GPC6: variants seen among roughly 807,000 people sequenced by gnomAD.
GPC6 encodes the protein glypican-6.
In GPC6, 14 loss-of-function variants were observed where a neutral mutation model predicts 55.2. The observed-to-expected ratio is 0.25, with a 90% CI of 0.17 to 0.40. The LOEUF (loss-of-function observed/expected upper bound fraction) is 0.40, where lower values mean the gene tolerates loss of function less well. GPC6 is among the 10% of genes least tolerant of loss of function. The pLI is 1.00. For synonymous variants in GPC6, 278 were observed against 259.6 expected (o/e 1.07, Z -0.68); for missense variants, 641 against 708.5 (o/e 0.90, Z 1.08).
At chr13:94,003,765 G>A (rs1284126821) in intron 3 of GPC6, among the ~76,000 whole-genome samples, 1 of 152,106 alleles carries the variant, frequency 6.6e-6, no homozygotes, top group African/African-American at 2.4e-5. Context: ...AATGACCATG[G>A]ACATTTTGAT....
At chr13:94,105,081 G>T (rs1291947938) in intron 4 of GPC6, among the ~76,000 whole-genome samples, 2 of 152,134 alleles carry the variant, frequency 1.3e-5, no homozygotes, top group Non-Finnish European at 2.9e-5. Flanking sequence ...ATTTCTTAAG[G>T]GTAGAACTGA....
intron 3 of GPC6, among the ~76,000 whole-genome samples, chr13:93,861,124 G>A (rs1412402603): frequency 6.6e-6 from 1 of 150,980 alleles, no homozygotes; most frequent in Admixed American, 6.6e-5. Context: ...AACATTGTCT[G>A]GCCACAATAT....
chr13:93,419,345 T>G (rs924930250), intron 1 of GPC6, among the ~76,000 whole-genome samples: 6 of 151,858 alleles, frequency 4.0e-5, no homozygotes, highest in African/African-American at 1.4e-4. Context: ...ATGGCTCAGT[T>G]CTCTATGTAA....
chr13:94,395,896 A>AC (rs1284986201), intron 7 of GPC6, among the ~76,000 whole-genome samples: 2 of 152,172 alleles, frequency 1.3e-5, no homozygotes, highest in Non-Finnish European at 2.9e-5. Context: ...GCCCTCCAGG[A>AC]CCCTCTACAA....
chr13:93,449,935 T>C (rs1021101123), intron 1 of GPC6, among the ~76,000 whole-genome samples: 3 of 152,060 alleles, frequency 2.0e-5, no homozygotes, highest in Non-Finnish European at 4.4e-5. Flanking sequence ...CTTTTTTTTT[T>C]CTTTGAGACG....
intron 2 of GPC6, among the ~76,000 whole-genome samples, chr13:93,696,699 G>A (rs2138788344): frequency 6.7e-6 from 1 of 148,674 alleles, no homozygotes; most frequent in African/African-American, 2.5e-5. Context: ...TCAGCTTGCT[G>A]CAACCTCCGC....
chr13:94,379,020 A>G lies in GPC6; in HGVS notation c.1153-3394A>G, dbSNP rs529180102. Among the ~76,000 whole-genome samples, 3 of 152,324 alleles carry G rather than the reference A, an allele frequency of 2.0e-5. No homozygotes were observed. In the South Asian group the frequency reaches 6.2e-4, roughly 32 times the overall value. ...AGAGTGTTTGTTAACATAAAGCTTA[A>G]TTCACAGTTGTGTGCACTTAAGTTT... On this transcript the variant is annotated intron_variant, in intron 6 of 8. Transcript: ENST00000377047.
intron 5 of GPC6, among the ~76,000 whole-genome samples, chr13:94,291,846 G>A (rs1874996257): frequency 6.6e-6 from 1 of 152,112 alleles, no homozygotes; most frequent in Admixed American, 6.6e-5. Context: ...GGTGAGGCCA[G>A]AAGCTAACTC....
At chr13:93,679,919 C>T (rs1184363244) in intron 2 of GPC6, among the ~76,000 whole-genome samples, 1 of 151,834 alleles carries the variant, frequency 6.6e-6, no homozygotes, top group Non-Finnish European at 1.5e-5. Context: ...GGGACATGTG[C>T]CCTCAGTGCA....
intron 2 of GPC6, among the ~76,000 whole-genome samples, chr13:93,566,525 G>GCCC (rs1876128174): frequency 6.7e-6 from 1 of 148,910 alleles, no homozygotes; most frequent in Admixed American, 6.7e-5. Flanking sequence ...TCAAGTTGGA[G>GCCC]AAAGTTTTTT....
chr13:93,797,233 G>A (rs1384979319), intron 2 of GPC6, among the ~76,000 whole-genome samples: 5 of 152,124 alleles, frequency 3.3e-5, no homozygotes, highest in Admixed American at 1.3e-4. Context: ...AACAGGCTCC[G>A]GGTGATTAGA....
At chr13:94,092,240 T>C (rs777560303) in intron 4 of GPC6, among the ~76,000 whole-genome samples, 7 of 151,928 alleles carry the variant, frequency 4.6e-5, no homozygotes, top group Non-Finnish European at 8.8e-5. Flanking sequence ...GCTCCAGAAA[T>C]TATTCATCTA....
At chr13:94,152,553 G>A (rs72645959) in intron 4 of GPC6, among the ~76,000 whole-genome samples, 556 of 151,834 alleles carry the variant, frequency 3.7e-3, no homozygotes, top group Non-Finnish European at 5.4e-3. Context: ...AAGTATAATA[G>A]GAAGAGCATT....
intron 2 of GPC6, among the ~76,000 whole-genome samples, chr13:93,667,209 T>C (rs1254197308): frequency 1.3e-5 from 2 of 152,202 alleles, no homozygotes; most frequent in African/African-American, 2.4e-5. Flanking sequence ...CATTTATTTC[T>C]TTGAGGATTA....
chr13:93,834,342 A>G (rs527272315), intron 3 of GPC6, among the ~76,000 whole-genome samples: 1 of 152,334 alleles, frequency 6.6e-6, no homozygotes, highest in Non-Finnish European at 1.5e-5. Context: ...ATAAACATCA[A>G]GTCATCTAAA....
intron 2 of GPC6, among the ~76,000 whole-genome samples, chr13:93,595,897 A>G (rs888174087): frequency 5.9e-5 from 9 of 152,298 alleles, no homozygotes; most frequent in Admixed American, 3.9e-4. Context: ...TTGTTCCTCA[A>G]TTTAAAAAGA....
intron 2 of GPC6, among the ~76,000 whole-genome samples, chr13:93,643,907 A>G (rs902631397): frequency 5.3e-5 from 8 of 152,044 alleles, no homozygotes; most frequent in Admixed American, 3.9e-4. Flanking sequence ...CAGTATTGTT[A>G]AGTTGAGTAT....
At chr13:93,614,775 C>G (rs1366304818) in intron 2 of GPC6, among the ~76,000 whole-genome samples, 6 of 152,016 alleles carry the variant, frequency 3.9e-5, no homozygotes, top group Non-Finnish European at 7.4e-5. Context: ...GAAAAATACA[C>G]CATTCAAGCA....
chr13:94,073,827 TTAACAACAACAACAAA>T (rs1432571577), intron 4 of GPC6, among the ~76,000 whole-genome samples: 1 of 152,108 alleles, frequency 6.6e-6, no homozygotes, highest in East Asian at 1.9e-4. Flanking sequence ...TTGTTTAACT[TTAACAACAACAACAAA>T]AAATGACATA....
Sources: gnomAD v4.1 joint callset for allele counts (sites outside exome capture counted in the v4.1 genomes callset) on GRCh38, gnomAD v4.1.1 for gene constraint, MANE v1.5 for transcripts, NCBI Gene and HGNC (gene_info 2026-07-23, HGNC 2026-07-21) for gene names.